The following OGFOD3 variants were observed in gnomAD, a reference collection of about 807,000 sequenced individuals.
OGFOD3 encodes the protein 2-oxoglutarate and iron-dependent oxygenase domain-containing protein 3.
A neutral mutation model predicts 39.8 loss-of-function variants in OGFOD3; 35 were observed. The ratio of observed to expected loss-of-function variants is 0.88; its 90% CI spans 0.67 to 1.17. OGFOD3 has a LOEUF of 1.17. Ranked by LOEUF, OGFOD3 falls within the 50% of genes most tolerant of loss-of-function variation. The pLI is 0.00. For synonymous variants in OGFOD3, 200 were observed against 192.0 expected (o/e 1.04, Z -0.34); for missense variants, 438 against 454.5 (o/e 0.96, Z 0.33).
In OGFOD3 at chr17:82,415,562, G is replaced by C; in HGVS notation, c.140C>G (p.Ala47Gly). 6.2e-7 allele frequency: 1 copy of C among 1,613,370 alleles called. No homozygotes were observed. The highest frequency in any genetic ancestry group is 1.3e-5 in the African/African-American group (1 of 75,040). Residue 47 changes from alanine (A) to glycine (G), a missense_variant, in exon 2 of 9, where the codon GCG (alanine) becomes GGG (glycine). Coordinates refer to ENST00000313056, the MANE Select transcript of OGFOD3 (RefSeq NM_024648.3). This position sits in a 1 kb window ranked among gnomAD's most constrained non-coding sequence, Gnocchi z 5.3. ...GAGCACAAAGCCAGCCCCCAGGCCC[G>C]CGGTCCTTAGCCACGGCCTCTGCCA... is the stretch of plus-strand genomic sequence containing the variant. ...RLWQRPWLRT[A>G]GLGAGFVLTA...
At chr17:82,411,957 C>T (rs577120836) in intron 2 of OGFOD3, among the ~76,000 whole-genome samples, 38 of 151,972 alleles carry the variant, frequency 2.5e-4, no homozygotes, top group African/African-American at 8.9e-4. Context: ...GAGGAAAACC[C>T]TCCTGAGGCC....
Position 82,404,106 on chromosome 17 carries a change from T to C in OGFOD3, c.546-16A>G, listed in dbSNP as rs1487551547. The C allele has an allele frequency of 1.9e-6, 3 of 1,568,058 alleles. No individual in the cohort carries two copies. The highest frequency in any genetic ancestry group is 2.3e-5 in the East Asian group (1 of 43,930). On this transcript the variant is annotated splice_polypyrimidine_tract_variant and intron_variant, in intron 6 of 8. Transcript: ENST00000313056. This position sits in a 1 kb window ranked among gnomAD's most constrained non-coding sequence, Gnocchi z 4.5. ...CCGCACCTCCCTGCAGAGGACACAATAGCCGTCAGCGCAGCCCCAGGCGGG... is the reference window on the plus strand; with the variant it reads ...CCGCACCTCCCTGCAGAGGACACAACAGCCGTCAGCGCAGCCCCAGGCGGG...
chr17:82,404,015 C>A lies in OGFOD3; in HGVS notation c.621G>T (p.Lys207Asn). ...TGTTTATGCGGGAGAAGAAGGTGGG[C>A]TTGGTCAGATGCAGCGAGGATGCGC... The part of the protein sequence containing the change: ...GISASSLHLT[K>N]PTFFSRINST... Residue 207 changes from lysine to asparagine, a missense_variant, in exon 7 of 9, where the codon AAG (lysine) becomes AAT (asparagine). By Grantham distance (94) the Lys-to-Asn change is moderately conservative. Coordinates refer to ENST00000313056, the MANE Select transcript of OGFOD3 (RefSeq NM_024648.3). The surrounding 1 kb of genome is among the most constrained non-coding windows in gnomAD (Gnocchi z 4.5). 6.2e-7 allele frequency: 1 copy of A among 1,611,274 alleles called. No homozygotes were observed.
chr17:82,411,690 T>A, intron 2 of OGFOD3, 160 bp from the exon 3 acceptor site: 1 of 592,784 alleles, frequency 1.7e-6, no homozygotes, highest in Non-Finnish European at 3.0e-6. Flanking sequence ...GTGCGGTGCA[T>A]CTGGAGTTCA....
Position 82,398,650 on chromosome 17 carries a change from T to C in OGFOD3, c.700-331A>G, listed in dbSNP as rs528048423. Among the ~76,000 whole-genome samples the C allele has an allele frequency of 2.0e-5, 3 of 152,040 alleles. No homozygotes were observed. In the South Asian group the frequency reaches 6.2e-4, roughly 32 times the overall value. On this transcript the variant is annotated intron_variant, in intron 7 of 8. Transcript: ENST00000313056. ...TTGATCTCAGGTGATCCACCCACCTTGGCCTCCCAAAGTGCTGGGATTACG... is the reference window on the plus strand; with the variant it reads ...TTGATCTCAGGTGATCCACCCACCTCGGCCTCCCAAAGTGCTGGGATTACG...
At position 82,391,062 on chromosome 17, in the gene OGFOD3, A is replaced by G. The variant is rs11546697; in HGVS notation, c.*1336T>C. 0.28 allele frequency: 44,177 copies of G among 156,764 alleles called. 6,707 individuals are homozygous for G. Among genetic ancestry groups the G allele is most frequent in the Non-Finnish European group, 0.35 (24,768 of 70,826 alleles). 9.7% of individuals were successfully genotyped at this position (156,764 alleles called of 1,614,324 possible). A position where few individuals can be genotyped will look rare whatever the true frequency, so the allele number is the denominator to read the frequency against. On this transcript the variant is annotated 3_prime_UTR_variant, in exon 9 of 9. Coordinates refer to ENST00000313056, the MANE Select transcript of OGFOD3 (RefSeq NM_024648.3). This position sits in a 1 kb window ranked among gnomAD's most constrained non-coding sequence, Gnocchi z 5.1. ...AACATGGATCTATGCCAGACAGGCT[A>G]AGGGAGGAGGGACCGAGGCAGGAGG...
rs9902694 is a variant in OGFOD3 at position 82,395,808 on chromosome 17, G to A, written c.823+2388C>T. On this transcript the variant is annotated intron_variant, in intron 8 of 8. Transcript: ENST00000313056. ...TGCACTCCAGCCTGGGCGACAGAGC[G>A]AGACTCCGTCTCAAAAGAAAAAAAA... Among the ~76,000 whole-genome samples the A allele has an allele frequency of 5.5e-3, 837 of 152,246 alleles. 7 individuals are homozygous for A. The highest frequency in any genetic ancestry group is 0.019 in the African/African-American group (780 of 41,534).
rs560672032 is a variant in OGFOD3 at position 82,406,559 on chromosome 17, C to T, written c.424-77G>A. 10 of 1,282,540 alleles carry T rather than the reference C, an allele frequency of 7.8e-6. No individual in the cohort carries two copies. Among genetic ancestry groups the T allele is most frequent in the Middle Eastern group, 1.8e-4 (1 of 5,472 alleles). The allele number at this position is 1,282,540 out of a possible 1,614,324, so 79.4% of individuals were successfully genotyped here. On this transcript the variant is annotated intron_variant, in intron 4 of 8. Coordinates refer to ENST00000313056, the MANE Select transcript of OGFOD3 (RefSeq NM_024648.3). This position sits in a 1 kb window ranked among gnomAD's most constrained non-coding sequence, Gnocchi z 5.2. ...TGTTAAAAGTCATGGATGGTAAATG[C>T]GAGTTTCCAAGGTCTGGCCAGCACA...
At chr17:82,403,796 C>T in intron 7 of OGFOD3, 141 bp downstream of exon 7, 1 of 1,141,770 alleles carries the variant, frequency 8.8e-7, no homozygotes, top group Non-Finnish European at 1.3e-6. Context: ...TCACCCTGCC[C>T]ACGTACGCAC....
At chr17:82,393,465 G>T (rs1223847090) in intron 8 of OGFOD3, 2 of 152,268 alleles carry the variant, frequency 1.3e-5, no homozygotes, top group South Asian at 2.1e-4. Flanking sequence ...TGGAGCAAAA[G>T]AAATCACGTG....
chr17:82,389,301 C>A lies in OGFOD3; in HGVS notation c.*3097G>T, dbSNP rs2052575536. 1 of 152,224 alleles carries A rather than the reference C, an allele frequency of 6.6e-6. No individual in the cohort carries two copies. The highest frequency in any genetic ancestry group is 2.1e-4 in the South Asian group (1 of 4,830). The allele number at this position is 152,224 out of a possible 1,614,324, so 9.4% of individuals were successfully genotyped here. The stretch of plus-strand genomic sequence containing the variant: ...TAAAAATAGATCACTCATCAGAGGA[C>A]ACACCTGAGACTCCAGTTCCTCCCT... On this transcript the variant is annotated 3_prime_UTR_variant, in exon 9 of 9. Transcript: ENST00000313056. The surrounding 1 kb of genome is among the most constrained non-coding windows in gnomAD (Gnocchi z 4.6).
At position 82,404,014 on chromosome 17, in the gene OGFOD3, G is replaced by C. The variant is rs777899904; in HGVS notation, c.622C>G (p.Pro208Ala). The C allele has an allele frequency of 6.2e-7, 1 of 1,610,886 alleles. No homozygotes were observed. ...CTGTTTATGCGGGAGAAGAAGGTGG[G>C]CTTGGTCAGATGCAGCGAGGATGCG... ...ISASSLHLTKPTFFSRINSTE... is the reference protein window; with the variant it reads ...ISASSLHLTKATFFSRINSTE... The change falls in exon 7 of 9, where the codon CCC becomes GCC. Residue 208 changes from proline to alanine, a missense_variant. Physicochemically the swap from Pro to Ala is conservative, Grantham distance 27. Transcript: ENST00000313056. The surrounding 1 kb of genome is among the most constrained non-coding windows in gnomAD (Gnocchi z 4.5).
chr17:82,397,921 G>C (rs985234158), intron 8 of OGFOD3, among the ~76,000 whole-genome samples: 64 of 152,154 alleles, frequency 4.2e-4, no homozygotes, highest in African/African-American at 1.5e-3. Flanking sequence ...ACACACACCA[G>C]GGAGGGAAAT....
At position 82,395,745 on chromosome 17, in the gene OGFOD3, C is replaced by T. The variant is rs552767621; in HGVS notation, c.823+2451G>A. ...CTGAGGCAGGAGAATGGCGTGAATC[C>T]GGGAGGCGGAGCTTGCAGTGAGCCG... On this transcript the variant is annotated intron_variant, in intron 8 of 8. Transcript: ENST00000313056. Among the ~76,000 whole-genome samples the T allele has an allele frequency of 1.2e-4, 18 of 152,200 alleles. No individual in the cohort carries two copies. In the East Asian group the frequency reaches 1.5e-3, roughly 13 times the overall value.
In OGFOD3 at chr17:82,406,311, C is replaced by T. The variant is rs1260188931; in HGVS notation, c.488+107G>A. 5 of 1,047,370 alleles carry T rather than the reference C, an allele frequency of 4.8e-6. No homozygotes were observed. Among genetic ancestry groups the T allele is most frequent in the East Asian group, 2.4e-5 (1 of 41,470 alleles). The allele number at this position is 1,047,370 out of a possible 1,614,324, so 64.9% of individuals were successfully genotyped here. On this transcript the variant is annotated intron_variant, in intron 5 of 8. Coordinates refer to ENST00000313056, the MANE Select transcript of OGFOD3 (RefSeq NM_024648.3). This position sits in a 1 kb window ranked among gnomAD's most constrained non-coding sequence, Gnocchi z 5.2. The stretch of plus-strand genomic sequence containing the variant: ...CTGAGGCCCTGAGGCTGCACCGAGC[C>T]GGATCCTCCCTCACATGTCCACGTG...
At position 82,402,350 on chromosome 17, in the gene OGFOD3, G is replaced by A. The variant is rs181124102; in HGVS notation, c.699+1587C>T. ...CTTGGGAGGCTGGGGCAGGAGAACC[G>A]CTTGAACCCAGGAGGCGGAGGTTGT... On this transcript the variant is annotated intron_variant, in intron 7 of 8. Transcript: ENST00000313056. Among the ~76,000 whole-genome samples the A allele has an allele frequency of 3.2e-3, 477 of 149,616 alleles. 8 individuals are homozygous for A. Among genetic ancestry groups the A allele is most frequent in the Non-Finnish European group, 4.1e-3 (274 of 67,314 alleles).
rs746605089 is a variant in OGFOD3 at position 82,398,183 on chromosome 17, C to A, written c.823+13G>T. 2 of 1,613,894 alleles carry A rather than the reference C, an allele frequency of 1.2e-6. No individual in the cohort carries two copies. Among genetic ancestry groups the A allele is most frequent in the Non-Finnish European group, 1.7e-6 (2 of 1,179,918 alleles). Reference sequence around the variant, plus strand: ...CAGGAGCCCCACGCCCAGGCCCCGCCCGCGCCTCCTACCAGCTCTCGGCTC... The same window carrying A: ...CAGGAGCCCCACGCCCAGGCCCCGCACGCGCCTCCTACCAGCTCTCGGCTC... On this transcript the variant is annotated intron_variant, in intron 8 of 8. Coordinates refer to ENST00000313056, the MANE Select transcript of OGFOD3 (RefSeq NM_024648.3).
chr17:82,404,209 G>T lies in OGFOD3; in HGVS notation c.546-119C>A. The stretch of plus-strand genomic sequence containing the variant: ...CGTACGGCTCCGGGCCCGCGGGGCG[G>T]GGGCTCCCAAGCACACCGGGAACAG... On this transcript the variant is annotated intron_variant, in intron 6 of 8. Transcript: ENST00000313056. The surrounding 1 kb of genome is among the most constrained non-coding windows in gnomAD (Gnocchi z 4.5). 1 of 1,195,234 alleles carries T rather than the reference G, an allele frequency of 8.4e-7. No homozygotes were observed. The highest frequency in any genetic ancestry group is 1.6e-5 in the South Asian group (1 of 62,708). 74.0% of individuals were successfully genotyped at this position (1,195,234 alleles called of 1,614,324 possible).
intron 8 of OGFOD3, chr17:82,393,989 CTT>C (rs1300659779): frequency 1.5e-3 from 188 of 127,374 alleles, no homozygotes; most frequent in Middle Eastern, 0.012. Flanking sequence ...CAGAAAAGGA[CTT>C]TTTTTTTTTT....
Sources: gnomAD v4.1 joint callset for allele counts (sites outside exome capture counted in the v4.1 genomes callset) on GRCh38, gnomAD v4.1.1 for gene constraint, Gnocchi (gnomAD v3.1) non-coding constraint, MANE v1.5 for transcripts, NCBI Gene and HGNC (gene_info 2026-07-23, HGNC 2026-07-21) for gene names.